PLEKHG4B: variants seen among roughly 807,000 people sequenced by gnomAD.
PLEKHG4B encodes pleckstrin homology and RhoGEF domain containing G4B, also known as pleckstrin homology domain-containing family G member 4B.
In PLEKHG4B, 111 loss-of-function variants were observed where a neutral mutation model predicts 121.3. The ratio of observed to expected loss-of-function variants is 0.92; its 90% CI spans 0.78 to 1.07. The LOEUF (loss-of-function observed/expected upper bound fraction) is 1.07. Ranked by LOEUF, PLEKHG4B falls within the 50% of genes least tolerant of loss-of-function variation. The probability of loss-of-function intolerance (pLI) is 0.00; values close to 1 mark genes in which losing one functional copy is unlikely to be tolerated. For missense variants in PLEKHG4B, 1,831 were observed against 1,757.8 expected, an observed-to-expected ratio of 1.04 and a Z score of -0.74; for synonymous variants, 738 against 725.0, an observed-to-expected ratio of 1.02 and a Z score of -0.29.
chr5:135,187 C>CAAAAAAAAAAAAAAAAAAAAAAAAAA (rs35601775), intron 2 of PLEKHG4B, among the ~76,000 whole-genome samples: 2 of 48,780 alleles, frequency 4.1e-5, no homozygotes, highest in African/African-American at 1.3e-4. Context: ...GACTCCAGCT[C>CAAAAAAAAAAAAAAAAAAAAAAAAAA]AAAAAAAAAA....
chr5:173,889 G>C, intron 17 of PLEKHG4B, 29 bp from the exon 18 acceptor site: 1 of 1,606,896 alleles, frequency 6.2e-7, no homozygotes, highest in Non-Finnish European at 8.5e-7. Context: ...GTTCCTGATG[G>C]TGCTGCAATG....
At chr5:143,314 A>G (rs1207338973) in intron 4 of PLEKHG4B, 58 bp downstream of exon 4, 21 of 1,607,598 alleles carry the variant, frequency 1.3e-5, no homozygotes, top group Non-Finnish European at 1.7e-5. Flanking sequence ...AGCCGACAGC[A>G]CAGACCCAGC....
chr5:133,978 C>A, intron 2 of PLEKHG4B, among the ~76,000 whole-genome samples: 1 of 141,088 alleles, frequency 7.1e-6, no homozygotes, highest in Non-Finnish European at 1.5e-5. Flanking sequence ...ATGAGATGGA[C>A]TATATATGAT....
intron 13 of PLEKHG4B, among the ~76,000 whole-genome samples, chr5:164,507 C>CGA (rs1736179840): frequency 1.1e-5 from 1 of 94,132 alleles, no homozygotes; most frequent in Non-Finnish European, 2.1e-5. Flanking sequence ...TGACAGGGGG[C>CGA]GGAGCTCACA....
intron 2 of PLEKHG4B, among the ~76,000 whole-genome samples, chr5:138,233 T>G (rs1219550362): frequency 6.6e-6 from 1 of 152,238 alleles, no homozygotes; most frequent in Non-Finnish European, 1.5e-5. Flanking sequence ...TCTGTTCAGG[T>G]TATTTTCTGA....
At chr5:129,810 G>T (rs1279824990) in intron 2 of PLEKHG4B, among the ~76,000 whole-genome samples, 2 of 152,114 alleles carry the variant, frequency 1.3e-5, no homozygotes, top group Admixed American at 1.3e-4. Flanking sequence ...GGGTATGTAT[G>T]ACCTTTTTTT....
At position 113,368 on chromosome 5, in the gene PLEKHG4B, G is replaced by A. The variant is rs552408518; in HGVS notation, c.163G>A (p.Gly55Ser). 2.4e-4 allele frequency: 96 copies of A among 399,158 alleles called. 1 individual carries two copies. The highest frequency in any genetic ancestry group is 1.5e-3 in the African/African-American group (73 of 48,742). The allele number at this position is 399,158 out of a possible 1,614,324, so 24.7% of individuals were successfully genotyped here. ...QLFSVAERCH[G>S]GDGLHCLTSF... ...GTTCAGCGTGGCCGAGAGGTGCCAC[G>A]GTGGGGACGGGCTGCACTGCCTCAC... Residue 55 changes from glycine to serine, a missense_variant, in exon 2 of 20, where the codon GGT becomes AGT. Coordinates refer to ENST00000637938, the MANE Select transcript of PLEKHG4B (RefSeq NM_052909.5). The surrounding 1 kb of genome is among the most constrained non-coding windows in gnomAD (Gnocchi z 5.2).
chr5:152,050 T>C (rs938231291), intron 7 of PLEKHG4B, among the ~76,000 whole-genome samples: 12 of 152,366 alleles, frequency 7.9e-5, no homozygotes, highest in Non-Finnish European at 2.9e-5. Context: ...TGTGTTAATT[T>C]TCCTTTGGCT....
At chr5:97,758 A>G (rs879396553) in intron 1 of PLEKHG4B, among the ~76,000 whole-genome samples, 15 of 152,040 alleles carry the variant, frequency 9.9e-5, no homozygotes, top group Non-Finnish European at 1.8e-4. Context: ...TGTGTTTACA[A>G]GTTTTGTGTG....
intron 2 of PLEKHG4B, among the ~76,000 whole-genome samples, chr5:114,004 C>G (rs1374095133): frequency 6.6e-6 from 1 of 152,220 alleles, no homozygotes; most frequent in Non-Finnish European, 1.5e-5. Flanking sequence ...AGCGCATATA[C>G]AAGTTACGTT....
At position 101,202 on chromosome 5, in the gene PLEKHG4B, G is replaced by C. The variant is rs1026901306; in HGVS notation, c.45+8926G>C. ...AAAGCTCTGGAAAAAGTCTGTAGGG[G>C]AGAGACTGTTGTGAGGTTAATCCAT... On this transcript the variant is annotated intron_variant, in intron 1 of 19. Coordinates refer to ENST00000637938, the MANE Select transcript of PLEKHG4B (RefSeq NM_052909.5). Among the ~76,000 whole-genome samples, 77 of 127,484 alleles carry C rather than the reference G, an allele frequency of 6.0e-4. 7 individuals are homozygous for C. Among genetic ancestry groups the C allele is most frequent in the Non-Finnish European group, 1.4e-4 (9 of 63,160 alleles). The allele number at this position is 127,484 out of a possible 152,430, so 83.6% of individuals were successfully genotyped here.
At position 163,496 on chromosome 5, in the gene PLEKHG4B, TC is replaced by T. The variant is rs772507185; in HGVS notation, c.3429del (p.Ser1144ArgfsTer19). Reference sequence around the variant, plus strand: ...GGTCACTCAGAGCCGGAGTCTGTCCTCCCCCTCGGGGCTCCACCCTGCTGAG... The same window carrying T: ...GGTCACTCAGAGCCGGAGTCTGTCCTCCCCTCGGGGCTCCACCCTGCTGAG... Reference protein sequence around the residue: ...PPVTQSRSLSSPSGLHPAEED... With the variant: ...PPVTQSRSLSXPSGLHPAEED... On this transcript the variant is annotated frameshift_variant, in exon 13 of 20. Coordinates refer to ENST00000637938, the MANE Select transcript of PLEKHG4B (RefSeq NM_052909.5). LOFTEE classifies it high-confidence loss of function. The T allele has an allele frequency of 6.2e-7, 1 of 1,611,926 alleles. No individual in the cohort carries two copies. Among genetic ancestry groups the T allele is most frequent in the Non-Finnish European group, 8.5e-7 (1 of 1,179,696 alleles).
At chr5:145,714 G>T (rs1425209987) in intron 6 of PLEKHG4B, among the ~76,000 whole-genome samples, 1 of 152,164 alleles carries the variant, frequency 6.6e-6, no homozygotes, top group African/African-American at 2.4e-5. Flanking sequence ...CACCGGGGAT[G>T]GGAAGATGCT....
At chr5:144,776 G>A (rs190985509) in intron 5 of PLEKHG4B, 51 bp from the exon 6 acceptor site, 1 of 1,514,778 alleles carries the variant, frequency 6.6e-7, no homozygotes, top group Admixed American at 1.7e-5. Flanking sequence ...ACTCGTTCTT[G>A]TAAGAGATTT....
chr5:142,673 A>G (rs548024542), intron 3 of PLEKHG4B, among the ~76,000 whole-genome samples: 11 of 152,030 alleles, frequency 7.2e-5, no homozygotes, highest in African/African-American at 2.2e-4. Context: ...GCCTCACACA[A>G]TCACACGTGC....
At chr5:126,969 G>A (rs562274388) in intron 2 of PLEKHG4B, among the ~76,000 whole-genome samples, 17 of 152,272 alleles carry the variant, frequency 1.1e-4, no homozygotes, top group East Asian at 3.9e-4. Context: ...CATAGTGTGC[G>A]GGTCGGGGAA....
chr5:144,906 C>T lies in PLEKHG4B; in HGVS notation c.1891C>T (p.Leu631Phe), dbSNP rs1265103784. 4 of 1,613,184 alleles carry T rather than the reference C, an allele frequency of 2.5e-6. No individual in the cohort carries two copies. Among genetic ancestry groups the T allele is most frequent in the South Asian group, 1.1e-5 (1 of 91,068 alleles). ...SPAAPAVSQA[L>F]SGLQNNTSPI... ...AGCTGCCCCTGCCGTCTCCCAGGCCCTCTCAGGATTGCAGGTACGGCAAGG... is the reference window on the plus strand; with the variant it reads ...AGCTGCCCCTGCCGTCTCCCAGGCCTTCTCAGGATTGCAGGTACGGCAAGG... The change falls in exon 6 of 20, where the codon CTC becomes TTC. Residue 631 changes from leucine to phenylalanine, a missense_variant. Physicochemically the swap from Leu to Phe is conservative, Grantham distance 22 (BLOSUM62 0). Transcript: ENST00000637938.
chr5:93,779 A>G (rs952255105), intron 1 of PLEKHG4B, among the ~76,000 whole-genome samples: 4 of 152,144 alleles, frequency 2.6e-5, no homozygotes, highest in African/African-American at 9.7e-5. Flanking sequence ...TCTCAAAGGA[A>G]TTCTTCGTTA....
At chr5:140,902 C>A (rs1179017558) in intron 3 of PLEKHG4B, among the ~76,000 whole-genome samples, 186 bp downstream of exon 3, 41 of 67,358 alleles carry the variant, frequency 6.1e-4, no homozygotes, top group Non-Finnish European at 5.6e-4. Context: ...CGCTGCACAC[C>A]AACCCACTCC....
Sources: allele counts gnomAD v4.1 joint callset (sites outside exome capture counted in the v4.1 genomes callset), GRCh38; gene constraint gnomAD v4.1.1; non-coding constraint Gnocchi (gnomAD v3.1); transcripts MANE v1.5; gene names NCBI Gene and HGNC (gene_info 2026-07-23, HGNC 2026-07-21).